SORCS3: variants seen among roughly 807,000 people sequenced by gnomAD.
SORCS3 encodes the protein VPS10 domain-containing receptor SorCS3.
SORCS3 carries 57 observed loss-of-function variants against 146.3 expected under a neutral mutation model. That is an observed-to-expected ratio of 0.39 (90% CI 0.31 to 0.49). The LOEUF (loss-of-function observed/expected upper bound fraction) is 0.49. Ranked by LOEUF, SORCS3 falls within the 20% of genes least tolerant of loss-of-function variation. The pLI is 0.92. For synonymous variants in SORCS3, 653 were observed against 618.5 expected (o/e 1.06, Z -0.83); for missense variants, 1,341 against 1,575.5 (o/e 0.85, Z 2.52).
At chr10:105,016,638 T>C (rs2055170129) in intron 4 of SORCS3, among the ~76,000 whole-genome samples, 1 of 151,818 alleles carries the variant, frequency 6.6e-6, no homozygotes, top group South Asian at 2.1e-4. Flanking sequence ...TGGTGATGAC[T>C]TTTTTTTGTG....
rs76024930 is a variant in SORCS3, at chr10:105,136,111, T to C, written c.1213-3286T>C. On this transcript the variant is annotated intron_variant, in intron 7 of 26. Coordinates refer to ENST00000369701, the MANE Select transcript of SORCS3 (RefSeq NM_014978.3). ...TATAGCAATACCAATACCAATTCAG[T>C]ACCAATTTCTGTCTCAGACCATTTC... 9.5e-3 allele frequency among the ~76,000 whole-genome samples: 1,442 copies of C among 152,332 alleles called. 18 individuals are homozygous for C. The highest frequency in any genetic ancestry group is 0.033 in the African/African-American group (1,352 of 41,578).
chr10:104,891,215 A>G (rs1251890539), intron 2 of SORCS3, among the ~76,000 whole-genome samples: 3 of 152,202 alleles, frequency 2.0e-5, no homozygotes, highest in African/African-American at 7.2e-5. Context: ...GCTTATGGTA[A>G]CAGTAACTGT....
At chr10:104,771,515 G>A (rs545068687) in intron 1 of SORCS3, among the ~76,000 whole-genome samples, 1 of 152,208 alleles carries the variant, frequency 6.6e-6, no homozygotes, top group Non-Finnish European at 1.5e-5. Flanking sequence ...GTTCATCCTC[G>A]GGACCTCAGT....
chr10:105,024,643 C>T (rs1347563892), intron 4 of SORCS3, among the ~76,000 whole-genome samples: 1 of 152,186 alleles, frequency 6.6e-6, no homozygotes, highest in Non-Finnish European at 1.5e-5. Context: ...GCTCCAACAG[C>T]CCCAATCCCC....
chr10:105,210,962 A>G (rs1564785725), intron 16 of SORCS3, among the ~76,000 whole-genome samples, 175 bp from the exon 17 acceptor site: 1 of 152,364 alleles, frequency 6.6e-6, no homozygotes, highest in East Asian at 1.9e-4. Flanking sequence ...GGAATTATTT[A>G]TAAAGCTAAA....
intron 1 of SORCS3, among the ~76,000 whole-genome samples, chr10:104,676,196 A>AG (rs1271649341): frequency 6.6e-6 from 1 of 152,054 alleles, no homozygotes; most frequent in Non-Finnish European, 1.5e-5. Context: ...TATACCTTTT[A>AG]TTTCATTTTC....
intron 10 of SORCS3, among the ~76,000 whole-genome samples, chr10:105,158,594 A>T (rs2056232440): frequency 6.6e-6 from 1 of 152,078 alleles, no homozygotes; most frequent in African/African-American, 2.4e-5. Flanking sequence ...AGGAGGCTTC[A>T]TAAAGCCAGC....
chr10:105,238,366 T>C (rs747828838), intron 20 of SORCS3, among the ~76,000 whole-genome samples: 1 of 152,172 alleles, frequency 6.6e-6, no homozygotes, highest in Non-Finnish European at 1.5e-5. Context: ...GAATGTAAAA[T>C]TACTGGCTAA....
intron 1 of SORCS3, among the ~76,000 whole-genome samples, chr10:104,764,229 G>A (rs2017154886): frequency 1.3e-5 from 2 of 152,226 alleles, no homozygotes; most frequent in South Asian, 4.1e-4. Context: ...TTCAACAGTA[G>A]CAGTGCTATG....
chr10:105,230,815 G>C (rs1220379407), intron 20 of SORCS3, among the ~76,000 whole-genome samples: 3 of 152,178 alleles, frequency 2.0e-5, no homozygotes, highest in Non-Finnish European at 1.5e-5. Flanking sequence ...AAGTCTGTTG[G>C]GAGCTAGGTT....
chr10:104,641,720 T>A lies in SORCS3; in HGVS notation c.393T>A (p.Ser131Arg). The change falls in exon 1 of 27, where the codon AGT becomes AGA. Residue 131 changes from serine to arginine, a missense_variant. Ser to Arg is a moderately radical substitution (Grantham distance 110). Coordinates refer to ENST00000369701, the MANE Select transcript of SORCS3 (RefSeq NM_014978.3). The surrounding 1 kb of genome is among the most constrained non-coding windows in gnomAD (Gnocchi z 6.4). Reference protein sequence around the residue: ...APAKLGGARRSRRAQPPITQE... With the variant: ...APAKLGGARRRRRAQPPITQE... ...CCAAGCTTGGCGGCGCGAGGAGGAG[T>A]CGCCGGGCGCAGCCCCCAATCACCC... 6.5e-7 allele frequency: 1 copy of A among 1,537,032 alleles called. No homozygotes were observed. Among genetic ancestry groups the A allele is most frequent in the African/African-American group, 1.4e-5 (1 of 71,766 alleles).
chr10:104,970,201 C>T (rs1001776294), intron 3 of SORCS3, among the ~76,000 whole-genome samples: 7 of 152,182 alleles, frequency 4.6e-5, no homozygotes, highest in African/African-American at 1.7e-4. Context: ...GGCTGGAGTG[C>T]AGTGGCGTGA....
In SORCS3 at chr10:104,641,980, C is replaced by T. The variant is rs760908346; in HGVS notation, c.627+26C>T. 20 of 1,242,912 alleles carry T rather than the reference C, an allele frequency of 1.6e-5. No individual in the cohort carries two copies. The highest frequency in any genetic ancestry group is 1.9e-5 in the Non-Finnish European group (18 of 953,108). The allele number at this position is 1,242,912 out of a possible 1,614,324, so 77.0% of individuals were successfully genotyped here. A position where few individuals can be genotyped will look rare whatever the true frequency, so the allele number is the denominator to read the frequency against. On this transcript the variant is annotated intron_variant, in intron 1 of 26. Transcript: ENST00000369701. The surrounding 1 kb of genome is among the most constrained non-coding windows in gnomAD (Gnocchi z 6.4). ...GTGAGTACCCACCCGGCGGCGGGTC[C>T]GCCTGTTTCCTGACACCGAAGGGGA... is the stretch of plus-strand genomic sequence containing the variant.
intron 5 of SORCS3, among the ~76,000 whole-genome samples, chr10:105,071,065 T>C (rs1038899956): frequency 2.6e-5 from 4 of 152,160 alleles, no homozygotes; most frequent in Non-Finnish European, 5.9e-5. Context: ...GTGTTTCCAT[T>C]TGGAGAGTGT....
intron 8 of SORCS3, among the ~76,000 whole-genome samples, chr10:105,145,293 G>A (rs1650672249): frequency 6.6e-6 from 1 of 152,012 alleles, no homozygotes; most frequent in Non-Finnish European, 1.5e-5. Flanking sequence ...ATTAGCTTTG[G>A]CAAATTAAGG....
rs2018004346 is a variant in SORCS3 at position 104,831,850 on chromosome 10, T to TG, written c.628-10937dup. On this transcript the variant is annotated intron_variant, in intron 1 of 26. Coordinates refer to ENST00000369701, the MANE Select transcript of SORCS3 (RefSeq NM_014978.3). ...CAGAACACAGAAAGCAAGTAGGTGA[T>TG]GGGGGAGGGGGGTGTGGAATAGGGA... 2.0e-5 allele frequency among the ~76,000 whole-genome samples: 3 copies of TG among 152,056 alleles called. No homozygotes were observed. In the East Asian group the frequency reaches 5.8e-4, roughly 29 times the overall value.
At chr10:104,815,948 T>A (rs1286981516) in intron 1 of SORCS3, among the ~76,000 whole-genome samples, 1 of 152,242 alleles carries the variant, frequency 6.6e-6, no homozygotes, top group East Asian at 1.9e-4. Flanking sequence ...AATATGCTAT[T>A]AATTGCTTGA....
intron 5 of SORCS3, among the ~76,000 whole-genome samples, chr10:105,057,697 C>T (rs75782772): frequency 0.024 from 3,588 of 152,298 alleles, 139 homozygotes; most frequent in African/African-American, 0.081. Flanking sequence ...CACTCTCACC[C>T]TAGCCTGTTT....
chr10:105,131,282 G>A lies in SORCS3; in HGVS notation c.1213-8115G>A, dbSNP rs546591371. On this transcript the variant is annotated intron_variant, in intron 7 of 26. Transcript: ENST00000369701. ...GCTGATCCTTTTGTTTCTTTAAAGA[G>A]GAGGAAACACTGCAGAGGCAGTGTG... Among the ~76,000 whole-genome samples the A allele has an allele frequency of 5.3e-5, 8 of 152,260 alleles. No individual in the cohort carries two copies. In the South Asian group the frequency reaches 1.5e-3, roughly 28 times the overall value.
Sources: gnomAD v4.1 joint callset for allele counts (sites outside exome capture counted in the v4.1 genomes callset) on GRCh38, gnomAD v4.1.1 for gene constraint, Gnocchi (gnomAD v3.1) non-coding constraint, MANE v1.5 for transcripts, NCBI Gene and HGNC (gene_info 2026-07-23, HGNC 2026-07-21) for gene names.